ZNF892: variants seen among roughly 807,000 people sequenced by gnomAD.
ZNF892 encodes the protein zinc finger protein 892, also known as zinc finger protein 570-like.
At chr2:95,230,287 G>A in the ZNF892 span, among the ~76,000 whole-genome samples, 1 of 152,124 alleles carries the variant, frequency 6.6e-6, no homozygotes, top group Non-Finnish European at 1.5e-5. Flanking sequence ...CTCGTGTGAT[G>A]GGTGCACCAG....
chr2:95,218,787 T>C, the ZNF892 span, among the ~76,000 whole-genome samples: 1 of 152,178 alleles, frequency 6.6e-6, no homozygotes, highest in East Asian at 1.9e-4. Context: ...ATGGTTGCCC[T>C]CTCACTGTGT....
the ZNF892 span, among the ~76,000 whole-genome samples, chr2:95,213,560 A>G: frequency 1.3e-5 from 2 of 152,184 alleles, no homozygotes; most frequent in Non-Finnish European, 2.9e-5. Context: ...TTCCCCTCCC[A>G]ACACACTGCT....
the ZNF892 span, among the ~76,000 whole-genome samples, chr2:95,245,318 T>G: frequency 6.6e-6 from 1 of 150,578 alleles, no homozygotes; most frequent in Non-Finnish European, 1.5e-5. Flanking sequence ...TGGCATGATC[T>G]TGGCTCACTG....
the ZNF892 span, among the ~76,000 whole-genome samples, chr2:95,252,924 GA>G: frequency 6.6e-6 from 1 of 152,152 alleles, no homozygotes; most frequent in Non-Finnish European, 1.5e-5. Flanking sequence ...CCCACTTGTT[GA>G]TGGGGTTGTT....
the ZNF892 span, among the ~76,000 whole-genome samples, chr2:95,262,591 C>T: frequency 6.6e-6 from 1 of 152,174 alleles, no homozygotes; most frequent in Non-Finnish European, 1.5e-5. Flanking sequence ...GATGACTAGA[C>T]CTTCTGCAGC....
chr2:95,228,947 A>G, the ZNF892 span, among the ~76,000 whole-genome samples: 39 of 152,324 alleles, frequency 2.6e-4, no homozygotes, highest in Admixed American at 6.5e-4. Context: ...TCAGAAACTC[A>G]AAAGAATGCA....
At chr2:95,234,967 C>A in the ZNF892 span, among the ~76,000 whole-genome samples, 1 of 152,136 alleles carries the variant, frequency 6.6e-6, no homozygotes, top group African/African-American at 2.4e-5. Flanking sequence ...GGAGTGAGTT[C>A]TCACCTTGTG....
At chr2:95,262,917 A>G in the ZNF892 span, among the ~76,000 whole-genome samples, 1 of 152,256 alleles carries the variant, frequency 6.6e-6, no homozygotes, top group South Asian at 2.1e-4. Context: ...AACCTATTAT[A>G]GGCAGAATTC....
At chr2:95,262,046 A>G in the ZNF892 span, among the ~76,000 whole-genome samples, 3 of 152,268 alleles carry the variant, frequency 2.0e-5, no homozygotes, top group South Asian at 6.2e-4. Flanking sequence ...TACGCTTGAC[A>G]AGTACAGGAT....
the ZNF892 span, among the ~76,000 whole-genome samples, chr2:95,244,103 CGGT>C: frequency 2.0e-5 from 3 of 150,574 alleles, no homozygotes; most frequent in Admixed American, 1.3e-4. Flanking sequence ...GGATTAAGGG[CGGT>C]GCAAGATGTG....
the ZNF892 span, among the ~76,000 whole-genome samples, chr2:95,223,100 T>G: frequency 6.6e-6 from 1 of 152,218 alleles, no homozygotes; most frequent in Non-Finnish European, 1.5e-5. Flanking sequence ...TTGATCTATG[T>G]GTCCATCCCT....
At chr2:95,225,574 A>G in the ZNF892 span, among the ~76,000 whole-genome samples, 27 of 152,252 alleles carry the variant, frequency 1.8e-4, no homozygotes, top group Admixed American at 4.6e-4. Flanking sequence ...AACACCGGCA[A>G]TTAAATTTCA....
the ZNF892 span, among the ~76,000 whole-genome samples, chr2:95,229,024 T>C: frequency 6.6e-6 from 1 of 152,310 alleles, no homozygotes; most frequent in African/African-American, 2.4e-5. Context: ...CCTGCCTTTT[T>C]TTCCAGTTGT....
the ZNF892 span, among the ~76,000 whole-genome samples, chr2:95,243,563 C>T: frequency 6.6e-6 from 1 of 151,302 alleles, no homozygotes; most frequent in Non-Finnish European, 1.5e-5. Context: ...GTGAGGAGAC[C>T]CTCTGCCTGG....
chr2:95,259,225 C>T, the ZNF892 span: 1 of 152,508 alleles, frequency 6.6e-6, no homozygotes, highest in African/African-American at 2.4e-5. Context: ...TTTCAAGTTG[C>T]CTTAGCTTGA....
chr2:95,242,348 TAAAG>T, the ZNF892 span, among the ~76,000 whole-genome samples: 7 of 152,154 alleles, frequency 4.6e-5, no homozygotes, highest in Non-Finnish European at 7.3e-5. Flanking sequence ...TCAACATTCT[TAAAG>T]AAAAGAATTT....
At chr2:95,254,369 A>G in the ZNF892 span, among the ~76,000 whole-genome samples, 6 of 152,138 alleles carry the variant, frequency 3.9e-5, no homozygotes, top group African/African-American at 1.4e-4. Flanking sequence ...TTCTGTTTAT[A>G]TGCTGGATTA....
the ZNF892 span, chr2:95,259,610 G>C: frequency 1.3e-5 from 2 of 152,294 alleles, no homozygotes; most frequent in African/African-American, 4.8e-5. Flanking sequence ...AGAGGAAAGT[G>C]AACATGGAGC....
chr2:95,235,960 A>G, the ZNF892 span, among the ~76,000 whole-genome samples: 1 of 152,158 alleles, frequency 6.6e-6, no homozygotes, highest in Non-Finnish European at 1.5e-5. Flanking sequence ...CTGTCTTCCT[A>G]CAATCACCTC....
Sources: gnomAD v4.1 joint callset for allele counts (sites outside exome capture counted in the v4.1 genomes callset) on GRCh38, gnomAD v4.1.1 for gene constraint, MANE v1.5 for transcripts, NCBI Gene and HGNC (gene_info 2026-07-23, HGNC 2026-07-21) for gene names.